The following GALNTL6 variants were observed in gnomAD, a reference collection of about 807,000 sequenced individuals.
GALNTL6 encodes polypeptide N-acetylgalactosaminyltransferase like 6.
Under a neutral mutation model 73.7 loss-of-function variants are expected in GALNTL6, and 46 were observed. That is an observed-to-expected ratio of 0.62 (90% CI 0.49 to 0.80). GALNTL6 has a LOEUF of 0.80. GALNTL6 is among the 30% of genes least tolerant of loss of function. The pLI, the probability that GALNTL6 is intolerant of heterozygous loss-of-function variation, is 0.00. For missense variants in GALNTL6, 604 were observed against 755.0 expected, an observed-to-expected ratio of 0.80 and a Z score of 2.34; for synonymous variants, 259 against 263.7, an observed-to-expected ratio of 0.98 and a Z score of 0.17.
chr4:172,701,799 G>T (rs1734045453), intron 5 of GALNTL6, among the ~76,000 whole-genome samples: 4 of 151,754 alleles, frequency 2.6e-5, no homozygotes, highest in Non-Finnish European at 4.4e-5. Flanking sequence ...TATCTAATTG[G>T]GTAATGGATT....
intron 5 of GALNTL6, among the ~76,000 whole-genome samples, chr4:172,415,666 C>T (rs1325453543): frequency 6.6e-6 from 1 of 152,112 alleles, no homozygotes; most frequent in African/African-American, 2.4e-5. Flanking sequence ...CAGCTGGGAG[C>T]ATCCGCGGAC....
rs781445854 is a variant in GALNTL6 at position 172,229,737 on chromosome 4, A to G, written c.220A>G (p.Ser74Gly). The G allele has an allele frequency of 1.9e-6, 3 of 1,613,364 alleles. No homozygotes were observed. The highest frequency in any genetic ancestry group is 2.5e-6 in the Non-Finnish European group (3 of 1,179,356). Reference protein sequence around the residue: ...LRRKDWHDYESIQKEAMRSGK... With the variant: ...LRRKDWHDYEGIQKEAMRSGK... Reference sequence around the variant, plus strand: ...AAGAAAGGACTGGCATGACTATGAAAGCATTCAGAAAGAGGCTATGCGCTC... The same window carrying G: ...AAGAAAGGACTGGCATGACTATGAAGGCATTCAGAAAGAGGCTATGCGCTC... The change falls in exon 3 of 13, where the codon AGC (serine) becomes GGC (glycine). Residue 74 changes from serine to glycine, a missense_variant. Ser to Gly is a moderately conservative substitution (Grantham distance 56). Coordinates refer to ENST00000506823, the MANE Select transcript of GALNTL6 (RefSeq NM_001034845.3).
intron 5 of GALNTL6, among the ~76,000 whole-genome samples, chr4:172,807,640 T>C (rs1270644866): frequency 6.6e-6 from 1 of 152,192 alleles, no homozygotes; most frequent in East Asian, 1.9e-4. Flanking sequence ...GACCTACTCA[T>C]ATGTATCACC....
chr4:172,261,561 A>G (rs1738258324), intron 3 of GALNTL6, among the ~76,000 whole-genome samples: 1 of 150,504 alleles, frequency 6.6e-6, no homozygotes, highest in South Asian at 2.1e-4. Context: ...AAACAGTTTT[A>G]TGTTTCATTT....
At chr4:172,568,791 G>T (rs963897975) in intron 5 of GALNTL6, among the ~76,000 whole-genome samples, 7 of 143,082 alleles carry the variant, frequency 4.9e-5, no homozygotes, top group Non-Finnish European at 9.1e-5. Flanking sequence ...TAACAAAGAT[G>T]AACATCTACG....
intron 2 of GALNTL6, among the ~76,000 whole-genome samples, chr4:171,906,310 A>G (rs951643429): frequency 2.7e-5 from 4 of 150,918 alleles, no homozygotes; most frequent in African/African-American, 7.4e-5. Flanking sequence ...GATAAAGGGA[A>G]TATCACCACC....
intron 5 of GALNTL6, among the ~76,000 whole-genome samples, chr4:172,407,396 G>A (rs1288775183): frequency 6.6e-6 from 1 of 152,074 alleles, no homozygotes; most frequent in African/African-American, 2.4e-5. Context: ...TCATGAAGAT[G>A]TAAAATTATT....
chr4:171,838,698 G>A (rs911134165), intron 2 of GALNTL6, among the ~76,000 whole-genome samples: 2 of 152,092 alleles, frequency 1.3e-5, no homozygotes. Flanking sequence ...CATGAGTTGG[G>A]CTAAGCAACA....
chr4:171,956,844 T>A (rs1401784717), intron 2 of GALNTL6, among the ~76,000 whole-genome samples: 2 of 152,156 alleles, frequency 1.3e-5, no homozygotes, highest in African/African-American at 4.8e-5. Context: ...TAGCTCTCTG[T>A]TCAAATATTA....
intron 5 of GALNTL6, among the ~76,000 whole-genome samples, chr4:172,665,447 G>T (rs1731608704): frequency 6.6e-6 from 1 of 152,132 alleles, no homozygotes; most frequent in Non-Finnish European, 1.5e-5. Flanking sequence ...AAGGTATAGT[G>T]GTTTACTTAA....
intron 2 of GALNTL6, among the ~76,000 whole-genome samples, chr4:172,013,006 T>C (rs980568326): frequency 2.6e-5 from 4 of 152,042 alleles, no homozygotes; most frequent in Admixed American, 2.6e-4. Context: ...CTTCCATTAT[T>C]ATAGCTTTGC....
intron 2 of GALNTL6, chr4:172,052,515 A>G (rs1246420647): frequency 2.0e-6 from 3 of 1,534,440 alleles, no homozygotes; most frequent in South Asian, 1.2e-5. Flanking sequence ...CACGGAGTGC[A>G]TGAGCTGGTT....
At chr4:172,120,078 T>C (rs1422813207) in intron 2 of GALNTL6, among the ~76,000 whole-genome samples, 2 of 152,198 alleles carry the variant, frequency 1.3e-5, no homozygotes, top group African/African-American at 2.4e-5. Flanking sequence ...GTATTGAGGA[T>C]TTCTTCCCAC....
chr4:172,340,944 A>C (rs1741536765), intron 4 of GALNTL6, among the ~76,000 whole-genome samples: 1 of 152,170 alleles, frequency 6.6e-6, no homozygotes, highest in Non-Finnish European at 1.5e-5. Context: ...TGTACAGCTC[A>C]TTCCTTTAGA....
chr4:172,981,899 C>T lies in GALNTL6; in HGVS notation c.1372-27279C>T, dbSNP rs182910042. ...GCAACCTCTGCCTCCCAGGTTCAAG[C>T]GATTCTCCTGCCTCAGCCACCCAAG... On this transcript the variant is annotated intron_variant, in intron 10 of 12. Coordinates refer to ENST00000506823, the MANE Select transcript of GALNTL6 (RefSeq NM_001034845.3). 5.1e-3 allele frequency among the ~76,000 whole-genome samples: 770 copies of T among 149,550 alleles called. 4 individuals are homozygous for T. The highest frequency in any genetic ancestry group is 0.018 in the African/African-American group (731 of 40,500).
At chr4:172,153,210 A>G (rs1579189224) in intron 2 of GALNTL6, among the ~76,000 whole-genome samples, 1 of 152,214 alleles carries the variant, frequency 6.6e-6, no homozygotes, top group Non-Finnish European at 1.5e-5. Context: ...TTTGGAAAGA[A>G]GAGCGGAAAC....
chr4:172,409,151 T>C (rs2111339728), intron 5 of GALNTL6, among the ~76,000 whole-genome samples: 1 of 152,060 alleles, frequency 6.6e-6, no homozygotes, highest in East Asian at 1.9e-4. Context: ...TTAGCTAAAA[T>C]GCCTGGTAAA....
intron 9 of GALNTL6, among the ~76,000 whole-genome samples, chr4:172,946,260 C>A (rs1387371506): frequency 6.6e-6 from 1 of 152,054 alleles, no homozygotes; most frequent in Non-Finnish European, 1.5e-5. Flanking sequence ...AATAATCACA[C>A]CTTGCACAAA....
intron 2 of GALNTL6, among the ~76,000 whole-genome samples, chr4:171,852,142 A>C (rs1252178928): frequency 6.6e-6 from 1 of 152,242 alleles, no homozygotes; most frequent in African/African-American, 2.4e-5. Context: ...AAATACATAC[A>C]GACTCAAACT....
Sources: allele counts gnomAD v4.1 joint callset (sites outside exome capture counted in the v4.1 genomes callset), GRCh38; gene constraint gnomAD v4.1.1; transcripts MANE v1.5; gene names NCBI Gene and HGNC (gene_info 2026-07-23, HGNC 2026-07-21).